The following GPC5 variants were observed in gnomAD, a reference collection of about 807,000 sequenced individuals.
GPC5 encodes glypican-5.
In GPC5, 47 loss-of-function variants were observed where a neutral mutation model predicts 53.9. The ratio of observed to expected loss-of-function variants is 0.87; its 90% CI spans 0.69 to 1.11. The LOEUF is 1.11. GPC5 is among the 50% of genes most tolerant of loss of function. The pLI is 0.00. For missense variants in GPC5, 748 were observed against 713.1 expected, an observed-to-expected ratio of 1.05 and a Z score of -0.56; for synonymous variants, 286 against 263.3, an observed-to-expected ratio of 1.09 and a Z score of -0.84.
chr13:91,997,457 G>C (rs1318076712), intron 6 of GPC5, among the ~76,000 whole-genome samples: 1 of 151,984 alleles, frequency 6.6e-6, no homozygotes, highest in Non-Finnish European at 1.5e-5. Flanking sequence ...CCCTCTATTT[G>C]TTAAATGTGG....
At chr13:91,450,969 A>G (rs1204863886) in intron 2 of GPC5, among the ~76,000 whole-genome samples, 1 of 152,184 alleles carries the variant, frequency 6.6e-6, no homozygotes, top group African/African-American at 2.4e-5. Context: ...GCTTAAATAT[A>G]TATGCCAAAA....
intron 7 of GPC5, among the ~76,000 whole-genome samples, chr13:92,360,552 C>T (rs1273222218): frequency 1.3e-5 from 2 of 150,608 alleles, no homozygotes; most frequent in African/African-American, 4.9e-5. Flanking sequence ...GAAGAATTTC[C>T]CTTAAAAACT....
rs554671150 is a variant in GPC5, at chr13:92,698,852, G to A, written c.1562-167430G>A. Among the ~76,000 whole-genome samples, 14 of 152,186 alleles carry A rather than the reference G, an allele frequency of 9.2e-5. No individual in the cohort carries two copies. In the East Asian group the frequency reaches 9.6e-4, roughly 10 times the overall value. The stretch of plus-strand genomic sequence containing the variant: ...GTTGTTTCCTGACTTTTTAATGATC[G>A]CCATTCTAACTGGTGTGAGATAGTA... On this transcript the variant is annotated intron_variant, in intron 7 of 7. Coordinates refer to ENST00000377067, the MANE Select transcript of GPC5 (RefSeq NM_004466.6).
intron 7 of GPC5, among the ~76,000 whole-genome samples, chr13:92,211,695 C>T (rs566317163): frequency 2.6e-5 from 4 of 152,160 alleles, no homozygotes; most frequent in Non-Finnish European, 5.9e-5. Context: ...AATAAGCCCT[C>T]CAGGTGATTC....
At chr13:91,535,176 C>T (rs188443764) in intron 2 of GPC5, among the ~76,000 whole-genome samples, 1 of 152,262 alleles carries the variant, frequency 6.6e-6, no homozygotes, top group Admixed American at 6.5e-5. Context: ...GATTTTCTCT[C>T]TTGTTTCTCT....
chr13:92,210,579 T>G (rs1429242145), intron 7 of GPC5, among the ~76,000 whole-genome samples: 2 of 152,180 alleles, frequency 1.3e-5, no homozygotes, highest in African/African-American at 4.8e-5. Flanking sequence ...AATAACAATT[T>G]ATAACAGTGG....
rs191455157 is a variant in GPC5, at chr13:91,816,854, T to C, written c.1280+60434T>C. On this transcript the variant is annotated intron_variant, in intron 5 of 7. Transcript: ENST00000377067. ...TGTGTCTGAATCTTCACCCTATCAC[T>C]TAGCAGTGTGGACTTGGTAAATTGA... Among the ~76,000 whole-genome samples the C allele has an allele frequency of 5.3e-5, 8 of 152,234 alleles. No individual in the cohort carries two copies. In the East Asian group the frequency reaches 1.4e-3, roughly 26 times the overall value.
chr13:92,506,747 C>A (rs1880383696), intron 7 of GPC5, among the ~76,000 whole-genome samples: 1 of 152,174 alleles, frequency 6.6e-6, no homozygotes, highest in Non-Finnish European at 1.5e-5. Flanking sequence ...TTGGAATCTT[C>A]TACCTTTGAT....
chr13:92,690,381 C>T lies in GPC5; in HGVS notation c.1562-175901C>T, dbSNP rs1887347735. ...CATCAGCTCCTGAGGCTTCTGCATT[C>T]TTCACGTAGTTCTCGAGCCTTGGTT... On this transcript the variant is annotated intron_variant, in intron 7 of 7. Transcript: ENST00000377067. Among the ~76,000 whole-genome samples the T allele has an allele frequency of 2.2e-5, 2 of 89,904 alleles. 1 individual carries two copies. The highest frequency in any genetic ancestry group is 9.8e-5 in the African/African-American group (2 of 20,498). 59.0% of individuals were successfully genotyped at this position (89,904 alleles called of 152,430 possible).
At chr13:91,767,959 G>C (rs1306769392) in intron 5 of GPC5, among the ~76,000 whole-genome samples, 1 of 152,160 alleles carries the variant, frequency 6.6e-6, no homozygotes, top group Non-Finnish European at 1.5e-5. Flanking sequence ...ACTTTAGCCA[G>C]AGCAGTTTCT....
chr13:92,618,738 C>A (rs1472009484), intron 7 of GPC5, among the ~76,000 whole-genome samples: 5 of 149,310 alleles, frequency 3.3e-5, no homozygotes. Flanking sequence ...ATATTCATGC[C>A]CTAATGATTA....
At chr13:92,195,364 G>A (rs1222175249) in intron 7 of GPC5, among the ~76,000 whole-genome samples, 2 of 152,124 alleles carry the variant, frequency 1.3e-5, no homozygotes, top group Non-Finnish European at 2.9e-5. Context: ...TGCAAAGTGT[G>A]TCATCTTTAT....
intron 7 of GPC5, among the ~76,000 whole-genome samples, chr13:92,227,762 A>G (rs2042498914): frequency 6.6e-6 from 1 of 152,110 alleles, no homozygotes; most frequent in African/African-American, 2.4e-5. Flanking sequence ...TTAATTTTTA[A>G]TGCTTGTGGC....
intron 2 of GPC5, among the ~76,000 whole-genome samples, chr13:91,567,870 A>G (rs2031605967): frequency 6.6e-6 from 1 of 152,142 alleles, no homozygotes; most frequent in African/African-American, 2.4e-5. Context: ...TTAAATTGTA[A>G]TCCCCGCATG....
chr13:92,833,689 G>T (rs1260815936), intron 7 of GPC5, among the ~76,000 whole-genome samples: 2 of 152,100 alleles, frequency 1.3e-5, no homozygotes, highest in Non-Finnish European at 2.9e-5. Flanking sequence ...GAAATACATG[G>T]TATTATGGGA....
At chr13:92,502,800 A>C (rs188203266) in intron 7 of GPC5, among the ~76,000 whole-genome samples, 66 of 152,102 alleles carry the variant, frequency 4.3e-4, no homozygotes, top group Non-Finnish European at 7.5e-4. Context: ...TGTAGACAGA[A>C]AATAGGTGAG....
chr13:92,534,599 T>C (rs74107046), intron 7 of GPC5, among the ~76,000 whole-genome samples: 3,506 of 152,272 alleles, frequency 0.023, 149 homozygotes, highest in African/African-American at 0.079. Context: ...GAAAATTCCC[T>C]GGACCTTTAC....
chr13:91,496,945 A>G (rs1884301450), intron 2 of GPC5, among the ~76,000 whole-genome samples: 1 of 152,278 alleles, frequency 6.6e-6, no homozygotes, highest in Non-Finnish European at 1.5e-5. Flanking sequence ...AATTTATTTA[A>G]CAAAGTCCTT....
intron 7 of GPC5, among the ~76,000 whole-genome samples, chr13:92,391,949 G>A (rs949799404): frequency 7.2e-5 from 11 of 152,144 alleles, no homozygotes; most frequent in South Asian, 2.1e-4. Context: ...TTATTACCCC[G>A]GCTTTAATGA....
Sources: gnomAD v4.1 joint callset for allele counts (sites outside exome capture counted in the v4.1 genomes callset) on GRCh38, gnomAD v4.1.1 for gene constraint, MANE v1.5 for transcripts, NCBI Gene and HGNC (gene_info 2026-07-23, HGNC 2026-07-21) for gene names.